The following PPP4R4 variants were observed in gnomAD, a reference collection of about 807,000 sequenced individuals.
The protein encoded by PPP4R4 is protein phosphatase 4 regulatory subunit 4, also known as serine/threonine-protein phosphatase 4 regulatory subunit 4.
PPP4R4 carries 70 observed loss-of-function variants against 121.8 expected under a neutral mutation model. The ratio of observed to expected loss-of-function variants is 0.57; its 90% CI spans 0.47 to 0.70. PPP4R4 has a LOEUF of 0.70. PPP4R4 is among the 30% of genes least tolerant of loss of function. PPP4R4 has a pLI of 0.00. For missense variants in PPP4R4, 875 were observed against 1,033.6 expected (o/e 0.85, Z 2.10); for synonymous variants, 348 against 355.7 (o/e 0.98, Z 0.24).
At position 94,208,496 on chromosome 14, in the gene PPP4R4, T is replaced by C. The variant is rs1461494064; in HGVS notation, c.224T>C (p.Ile75Thr). The C allele has an allele frequency of 1.5e-5, 24 of 1,611,952 alleles. No individual in the cohort carries two copies. Among genetic ancestry groups the C allele is most frequent in the Non-Finnish European group, 2.0e-5 (24 of 1,178,558 alleles). ...CAAGATGTCCAAGGAACAAGTGTGATTGCAAATCTCCCATTTTTGATGCGA... is the reference window on the plus strand; with the variant it reads ...CAAGATGTCCAAGGAACAAGTGTGACTGCAAATCTCCCATTTTTGATGCGA... The part of the protein sequence containing the change: ...AGQDVQGTSV[I>T]ANLPFLMRQN... The change falls in exon 3 of 25, where the codon ATT becomes ACT. Residue 75 changes from isoleucine to threonine, a missense_variant. Transcript: ENST00000304338.
chr14:94,185,785 C>A (rs1354120608), intron 2 of PPP4R4, among the ~76,000 whole-genome samples: 1 of 152,146 alleles, frequency 6.6e-6, no homozygotes, highest in African/African-American at 2.4e-5. Context: ...GCACCAAATT[C>A]CCCCATCTCC....
chr14:94,275,612 A>G, intron 24 of PPP4R4, 91 bp downstream of exon 24: 23 of 1,395,600 alleles, frequency 1.6e-5, no homozygotes, highest in Non-Finnish European at 2.3e-5. Flanking sequence ...TCCAAAGAAT[A>G]GAAAATGTCT....
intron 19 of PPP4R4, among the ~76,000 whole-genome samples, chr14:94,261,537 T>C (rs1013036387): frequency 1.3e-5 from 2 of 152,088 alleles, no homozygotes; most frequent in Admixed American, 6.5e-5. Context: ...ATTACTTCTT[T>C]CTATTCAATA....
chr14:94,204,064 G>A (rs1890333313), intron 2 of PPP4R4, among the ~76,000 whole-genome samples: 1 of 151,974 alleles, frequency 6.6e-6, no homozygotes, highest in Admixed American at 6.6e-5. Context: ...TTTCTTTCTT[G>A]TGGATCATGC....
chr14:94,186,464 G>A (rs889294643), intron 2 of PPP4R4, among the ~76,000 whole-genome samples: 13 of 152,032 alleles, frequency 8.6e-5, no homozygotes, highest in Admixed American at 2.6e-4. Context: ...TAATGATTCC[G>A]TTTAATGGGT....
intron 2 of PPP4R4, among the ~76,000 whole-genome samples, chr14:94,203,956 C>A (rs1049809910): frequency 6.6e-6 from 1 of 152,108 alleles, no homozygotes; most frequent in African/African-American, 2.4e-5. Context: ...TTCAAACATT[C>A]ATTTGCAAAT....
At chr14:94,250,901 T>C (rs749563583) in intron 15 of PPP4R4, among the ~76,000 whole-genome samples, 3 of 152,014 alleles carry the variant, frequency 2.0e-5, no homozygotes, top group Non-Finnish European at 4.4e-5. Context: ...TTTACCAAAC[T>C]ATATTATCCA....
chr14:94,183,070 A>G (rs1051241526), intron 2 of PPP4R4, among the ~76,000 whole-genome samples: 1 of 152,152 alleles, frequency 6.6e-6, no homozygotes, highest in African/African-American at 2.4e-5. Context: ...GGAGTTCTAT[A>G]AGGTTTTACT....
At chr14:94,265,651 T>C (rs1446024081) in intron 21 of PPP4R4, 143 bp from the exon 22 acceptor site, 3 of 785,148 alleles carry the variant, frequency 3.8e-6, no homozygotes, top group Non-Finnish European at 6.2e-6. Flanking sequence ...GGGTAAGAGA[T>C]ACTTCAGTGA....
chr14:94,215,832 C>T (rs1890991160), intron 3 of PPP4R4, among the ~76,000 whole-genome samples: 1 of 152,072 alleles, frequency 6.6e-6, no homozygotes, highest in South Asian at 2.1e-4. Context: ...ACATATATAT[C>T]TATTTGTATT....
At chr14:94,246,054 G>A (rs1244094085) in intron 13 of PPP4R4, among the ~76,000 whole-genome samples, 1 of 152,146 alleles carries the variant, frequency 6.6e-6, no homozygotes, top group Non-Finnish European at 1.5e-5. Context: ...CTTATTGACA[G>A]TAATAATATG....
At chr14:94,235,388 C>CTTTTTTTTTTTTTTTTTTTTTT (rs34881107) in intron 7 of PPP4R4, among the ~76,000 whole-genome samples, 1 of 50,812 alleles carries the variant, frequency 2.0e-5, no homozygotes, top group African/African-American at 9.2e-5. Flanking sequence ...TCTCCTTGTT[C>CTTTTTTTTTTTTTTTTTTTTTT]TTTTTTTTTT....
intron 2 of PPP4R4, among the ~76,000 whole-genome samples, chr14:94,185,595 A>G (rs1889229988): frequency 6.6e-6 from 1 of 152,214 alleles, no homozygotes; most frequent in Non-Finnish European, 1.5e-5. Flanking sequence ...TATAGGGCAC[A>G]GTGCTTGGTA....
At chr14:94,189,870 A>AT (rs1334168904) in intron 2 of PPP4R4, among the ~76,000 whole-genome samples, 2 of 152,190 alleles carry the variant, frequency 1.3e-5, no homozygotes, top group African/African-American at 4.8e-5. Flanking sequence ...TGTGCTAGGC[A>AT]TAAAGCATTA....
At chr14:94,254,771 C>G (rs1237224443) in intron 16 of PPP4R4, among the ~76,000 whole-genome samples, 1 of 152,182 alleles carries the variant, frequency 6.6e-6, no homozygotes. Context: ...AAAGAGTAGA[C>G]TTTTAGCTTA....
At chr14:94,179,883 A>G (rs536021803) in intron 2 of PPP4R4, among the ~76,000 whole-genome samples, 1 of 152,228 alleles carries the variant, frequency 6.6e-6, no homozygotes, top group Non-Finnish European at 1.5e-5. Context: ...TCGCTGTGAT[A>G]TAAATATATG....
rs139179155 is a variant in PPP4R4 at position 94,193,881 on chromosome 14, C to T, written c.192-14583C>T. Reference sequence around the variant, plus strand: ...TAACAAATATTTATGAAGCCTTTACCGTGTGCTGCTTTGCTAGGCATTGGG... The same window carrying T: ...TAACAAATATTTATGAAGCCTTTACTGTGTGCTGCTTTGCTAGGCATTGGG... On this transcript the variant is annotated intron_variant, in intron 2 of 24. Coordinates refer to ENST00000304338, the MANE Select transcript of PPP4R4 (RefSeq NM_058237.2). Among the ~76,000 whole-genome samples, 276 of 152,202 alleles carry T rather than the reference C, an allele frequency of 1.8e-3. 3 individuals are homozygous for T. In the South Asian group the frequency reaches 0.029, roughly 16 times the overall value.
Position 94,174,568 on chromosome 14 carries a change from C to T in PPP4R4, c.103C>T (p.Arg35Cys). The part of the protein sequence containing the change: ...QELTIIERPV[R>C]RSLKTPEEIE... ...GCTCACCATCATCGAGAGGCCGGTC[C>T]GCCGGAGCCTCAAGGTGCGCCCCGG... The change falls in exon 1 of 25, where the codon CGC becomes TGC. Residue 35 changes from arginine (R) to cysteine (C), a missense_variant. Arg to Cys is a radical substitution (Grantham distance 180). Coordinates refer to ENST00000304338, the MANE Select transcript of PPP4R4 (RefSeq NM_058237.2). 2 of 1,611,766 alleles carry T rather than the reference C, an allele frequency of 1.2e-6. No homozygotes were observed. The highest frequency in any genetic ancestry group is 1.7e-6 in the Non-Finnish European group (2 of 1,179,088).
At chr14:94,194,622 T>C (rs1396308005) in intron 2 of PPP4R4, among the ~76,000 whole-genome samples, 1 of 152,164 alleles carries the variant, frequency 6.6e-6, no homozygotes, top group Non-Finnish European at 1.5e-5. Flanking sequence ...TTTTTTTTGT[T>C]TTCTTTTGTT....
Sources: allele counts gnomAD v4.1 joint callset (sites outside exome capture counted in the v4.1 genomes callset), GRCh38; gene constraint gnomAD v4.1.1; transcripts MANE v1.5; gene names NCBI Gene and HGNC (gene_info 2026-07-23, HGNC 2026-07-21).